Variants in SLCO1A2 observed in about 807,000 individuals in gnomAD.
SLCO1A2 encodes OATP-1.
Under a neutral mutation model 69.0 loss-of-function variants are expected in SLCO1A2, and 67 were observed. The ratio of observed to expected loss-of-function variants is 0.97; its 90% CI spans 0.80 to 1.19. The LOEUF (loss-of-function observed/expected upper bound fraction) is 1.19. SLCO1A2 is among the 50% of genes most tolerant of loss of function. The pLI is 0.00. For synonymous variants in SLCO1A2, 260 were observed against 265.9 expected (o/e 0.98, Z 0.22); for missense variants, 787 against 793.7 (o/e 0.99, Z 0.10).
At chr12:21,393,212 A>G (rs993737997) in intron 1 of SLCO1A2, among the ~76,000 whole-genome samples, 1 of 152,204 alleles carries the variant, frequency 6.6e-6, no homozygotes, top group African/African-American at 2.4e-5. Context: ...TCACATAATA[A>G]GAACAGAACC....
chr12:21,270,934 C>A (rs1021386213), intron 14 of SLCO1A2, among the ~76,000 whole-genome samples: 1 of 151,454 alleles, frequency 6.6e-6, no homozygotes, highest in East Asian at 1.9e-4. Flanking sequence ...TTTCTTATTC[C>A]CTCTATGGTA....
intron 1 of SLCO1A2, among the ~76,000 whole-genome samples, chr12:21,377,535 G>A (rs916074590): frequency 1.1e-4 from 16 of 152,154 alleles, no homozygotes; most frequent in African/African-American, 3.4e-4. Context: ...GACTGAAGCT[G>A]TACACCCAAT....
intron 2 of SLCO1A2, 131 bp from the exon 3 acceptor site, chr12:21,319,054 C>A: frequency 1.4e-6 from 1 of 735,910 alleles, no homozygotes; most frequent in Non-Finnish European, 2.1e-6. Flanking sequence ...TTGCAAGAAA[C>A]TGTAAAGTGT....
rs1188852902 is a variant in SLCO1A2, at chr12:21,268,648, T to C, written c.*900A>G. ...CTGTTTCATAACAGAAGCTATTGTC[T>C]AAGATTATTTTGGGAAAATTAGTGT... On this transcript the variant is annotated 3_prime_UTR_variant, in exon 15 of 15. Coordinates refer to ENST00000683939, the MANE Select transcript of SLCO1A2 (RefSeq NM_001386879.1). 2.0e-5 allele frequency: 3 copies of C among 152,104 alleles called. No individual in the cohort carries two copies. Among genetic ancestry groups the C allele is most frequent in the African/African-American group, 7.2e-5 (3 of 41,434 alleles). The allele number at this position is 152,104 out of a possible 1,614,324, so 9.4% of individuals were successfully genotyped here. A position where few individuals can be genotyped will look rare whatever the true frequency, so the allele number is the denominator to read the frequency against.
At chr12:21,397,527 T>C (rs1044099221), upstream of SLCO1A2, among the ~76,000 whole-genome samples, 14 of 152,232 alleles carry the variant, frequency 9.2e-5, no homozygotes, top group Admixed American at 2.6e-4. Context: ...GCGGACCTAA[T>C]AGACATCTAC....
intron 2 of SLCO1A2, chr12:21,354,893 G>C (rs1468117931): frequency 6.6e-6 from 1 of 151,770 alleles, no homozygotes; most frequent in Non-Finnish European, 1.5e-5. Flanking sequence ...TGTTTCCTGG[G>C]ATACTCTTTG....
intron 2 of SLCO1A2, chr12:21,373,260 C>G: frequency 1.1e-6 from 1 of 916,490 alleles, no homozygotes; most frequent in Non-Finnish European, 1.8e-6. Context: ...CTTTTAAAAA[C>G]TAAGCTCTAA....
chr12:21,413,972 TG>T (rs1941951988), intron 1 of SLCO1A2, among the ~76,000 whole-genome samples: 1 of 152,192 alleles, frequency 6.6e-6, no homozygotes, highest in African/African-American at 2.4e-5. Flanking sequence ...GCTTTTTGTT[TG>T]TTTGTTTGTT....
At position 21,350,303 on chromosome 12, in the gene SLCO1A2, C is replaced by T. The variant is rs148616641; in HGVS notation, c.-62-15594G>A. Among the ~76,000 whole-genome samples, 1,491 of 151,152 alleles carry T rather than the reference C, an allele frequency of 9.9e-3. 8 individuals carry two copies. Among genetic ancestry groups the T allele is most frequent in the Non-Finnish European group, 0.017 (1,137 of 67,798 alleles). Reference sequence around the variant, plus strand: ...ACAAGAGATTGTACAAAGGAATATTCACCACAGCTTTGTTTTAGTAAAGTA... The same window carrying T: ...ACAAGAGATTGTACAAAGGAATATTTACCACAGCTTTGTTTTAGTAAAGTA... On this transcript the variant is annotated intron_variant, in intron 2 of 15. Coordinates refer to the SLCO1A2 transcript ENST00000307378.
At chr12:21,407,660 G>A (rs764087026) in intron 1 of SLCO1A2, among the ~76,000 whole-genome samples, 1 of 152,132 alleles carries the variant, frequency 6.6e-6, no homozygotes, top group East Asian at 1.9e-4. Flanking sequence ...AATTAGCCAG[G>A]CATGGTAGTG....
At chr12:21,343,515 A>C (rs1359462185) in intron 2 of SLCO1A2, among the ~76,000 whole-genome samples, 1 of 152,094 alleles carries the variant, frequency 6.6e-6, no homozygotes, top group Non-Finnish European at 1.5e-5. Flanking sequence ...TTCAAGGTTA[A>C]ATGCAAGTGG....
chr12:21,401,017 T>TA (rs1288886446), intron 1 of SLCO1A2, among the ~76,000 whole-genome samples: 2 of 148,966 alleles, frequency 1.3e-5, no homozygotes, highest in African/African-American at 5.0e-5. Context: ...CCCTAAAACT[T>TA]AAAGTATAAT....
exon 1 of SLCO1A2, chr12:21,395,182 A>G (rs1004011841): frequency 1.3e-5 from 2 of 153,802 alleles, no homozygotes; most frequent in Non-Finnish European, 2.9e-5. Flanking sequence ...TGCGCAAGCC[A>G]AAGCAGGGTG....
chr12:21,337,758 T>C (rs1224231040), upstream of SLCO1A2, among the ~76,000 whole-genome samples: 1 of 152,024 alleles, frequency 6.6e-6, no homozygotes, highest in Non-Finnish European at 1.5e-5. Flanking sequence ...TATTGGTTCA[T>C]TTTCACCAGA....
At chr12:21,358,533 GTTTTA>G (rs567845584) in intron 2 of SLCO1A2, among the ~76,000 whole-genome samples, 85 of 152,060 alleles carry the variant, frequency 5.6e-4, no homozygotes, top group African/African-American at 1.9e-3. Context: ...TAATATTTTT[GTTTTA>G]TTTTATTGTA....
intron 1 of SLCO1A2, among the ~76,000 whole-genome samples, chr12:21,390,535 C>T (rs1278560191): frequency 1.3e-5 from 2 of 152,140 alleles, no homozygotes; most frequent in Non-Finnish European, 2.9e-5. Flanking sequence ...TCCTAGTCTA[C>T]ATTTTCCTAT....
At chr12:21,285,679 C>A (rs1447273554) in intron 12 of SLCO1A2, among the ~76,000 whole-genome samples, 1 of 138,980 alleles carries the variant, frequency 7.2e-6, no homozygotes, top group Non-Finnish European at 1.6e-5. Flanking sequence ...TGGGCTTCAT[C>A]CCTGGGATGC....
At chr12:21,300,156 T>C (rs1419489574) in intron 8 of SLCO1A2, among the ~76,000 whole-genome samples, 192 bp downstream of exon 8, 1 of 151,684 alleles carries the variant, frequency 6.6e-6, no homozygotes, top group Non-Finnish European at 1.5e-5. Context: ...ATATTTCAGC[T>C]TCCAAATTAT....
At position 21,416,387 on chromosome 12, in the gene SLCO1A2, A is replaced by AC. The variant is rs1402181206; in HGVS notation, c.-312+1494_-312+1495insG. 6.6e-4 allele frequency among the ~76,000 whole-genome samples: 95 copies of AC among 143,022 alleles called. 1 individual carries two copies. The highest frequency in any genetic ancestry group is 1.2e-3 in the Non-Finnish European group (74 of 63,814). 93.8% of individuals were successfully genotyped at this position (143,022 alleles called of 152,430 possible). On this transcript the variant is annotated intron_variant, in intron 1 of 4. Coordinates refer to the SLCO1A2 transcript ENST00000413682. ...ACACACACACACACACACACACACA[A>AC]AAGACAATAAATCACTCGCTCTCCC...
Sources: gnomAD v4.1 joint callset for allele counts (sites outside exome capture counted in the v4.1 genomes callset) on GRCh38, gnomAD v4.1.1 for gene constraint, MANE v1.5 for transcripts, NCBI Gene and HGNC (gene_info 2026-07-23, HGNC 2026-07-21) for gene names.